Variants in CALD1 observed in about 807,000 individuals in gnomAD.
CALD1 encodes caldesmon.
A neutral mutation model predicts 99.9 loss-of-function variants in CALD1; 33 were observed. That is an observed-to-expected ratio of 0.33 (90% CI 0.25 to 0.44). CALD1 has a LOEUF of 0.44. Among genes scored for constraint, CALD1 ranks in the 20% least tolerant of loss-of-function variants. The pLI, the probability that CALD1 is intolerant of heterozygous loss-of-function variation, is 1.00. For synonymous variants in CALD1, 310 were observed against 325.0 expected, an observed-to-expected ratio of 0.95 and a Z score of 0.50; for missense variants, 861 against 962.1, an observed-to-expected ratio of 0.89 and a Z score of 1.39.
At chr7:134,728,791 C>G in the CALD1 span, among the ~76,000 whole-genome samples, 1 of 151,736 alleles carries the variant, frequency 6.6e-6, no homozygotes, top group South Asian at 2.1e-4. Context: ...TTCCATGAAG[C>G]TCTGATTAAA....
chr7:134,910,014 A>G (rs896476246), intron 3 of CALD1, among the ~76,000 whole-genome samples: 12 of 152,258 alleles, frequency 7.9e-5, no homozygotes, highest in African/African-American at 2.7e-4. Flanking sequence ...GCACAAGCCC[A>G]TAACACAATG....
chr7:134,867,491 T>G (rs1180064895), intron 2 of CALD1, among the ~76,000 whole-genome samples: 2 of 152,222 alleles, frequency 1.3e-5, no homozygotes, highest in African/African-American at 4.8e-5. Flanking sequence ...GGGATCTTAC[T>G]TATTTGTCTC....
chr7:134,822,593 T>C (rs1354190817), intron 1 of CALD1, among the ~76,000 whole-genome samples: 1 of 152,208 alleles, frequency 6.6e-6, no homozygotes, highest in Non-Finnish European at 1.5e-5. Context: ...TCCTGGAATC[T>C]CAAACATATT....
rs770391558 is a variant in CALD1 at position 134,938,548 on chromosome 7, G to A, written c.1387-2544G>A. Among the ~76,000 whole-genome samples, 4 of 152,146 alleles carry A rather than the reference G, an allele frequency of 2.6e-5. No homozygotes were observed. The East Asian group carries it at 5.8e-4, about 22-fold the overall frequency. ...TATCTATTAATCCTTCAGCACGGAC[G>A]TTCTCCATGGTAACAGTCTGACCTA... On this transcript the variant is annotated intron_variant, in intron 6 of 14. Transcript: ENST00000361675.
chr7:134,892,592 AAACAAGACCC>A, intron 3 of CALD1, among the ~76,000 whole-genome samples: 1 of 152,322 alleles, frequency 6.6e-6, no homozygotes, highest in South Asian at 2.1e-4. Flanking sequence ...AGGGTCCTAA[AAACAAGACCC>A]ATGTCCATTA....
chr7:134,937,728 A>AAC (rs1214738854), intron 6 of CALD1, among the ~76,000 whole-genome samples: 1 of 152,162 alleles, frequency 6.6e-6, no homozygotes, highest in African/African-American at 2.4e-5. Flanking sequence ...ACCACAAGTA[A>AAC]ACACAAACAT....
intron 1 of CALD1, among the ~76,000 whole-genome samples, chr7:134,787,977 T>C (rs981079336): frequency 6.6e-6 from 1 of 152,172 alleles, no homozygotes; most frequent in African/African-American, 2.4e-5. Flanking sequence ...TCCACCTCTG[T>C]ACAATGGCAC....
intron 3 of CALD1, among the ~76,000 whole-genome samples, chr7:134,904,188 A>C (rs1019705951): frequency 6.6e-6 from 1 of 151,968 alleles, no homozygotes; most frequent in Non-Finnish European, 1.5e-5. Flanking sequence ...ATGTCATCGC[A>C]CTCCAGCCTG....
At chr7:134,862,275 T>TATAA (rs1800596258) in intron 2 of CALD1, among the ~76,000 whole-genome samples, 1 of 152,218 alleles carries the variant, frequency 6.6e-6, no homozygotes, top group South Asian at 2.1e-4. Flanking sequence ...AGTGGATTAG[T>TATAA]CCTATTATAG....
At chr7:134,793,501 A>G (rs1368283752) in intron 1 of CALD1, among the ~76,000 whole-genome samples, 2 of 152,014 alleles carry the variant, frequency 1.3e-5, no homozygotes, top group African/African-American at 4.8e-5. Flanking sequence ...TTTTTAAGGT[A>G]TTTTATTTTA....
chr7:134,865,462 G>C (rs548790397), intron 2 of CALD1, among the ~76,000 whole-genome samples: 19 of 152,102 alleles, frequency 1.2e-4, no homozygotes, highest in African/African-American at 4.6e-4. Context: ...GAAAAGCACT[G>C]GTCTGTAGGA....
chr7:134,862,773 A>T (rs922013644), intron 2 of CALD1, among the ~76,000 whole-genome samples: 20 of 152,224 alleles, frequency 1.3e-4, no homozygotes, highest in African/African-American at 4.8e-4. Flanking sequence ...GAACAAATGT[A>T]CCACACTACT....
chr7:134,902,492 C>T (rs1003310460), intron 3 of CALD1, among the ~76,000 whole-genome samples: 3 of 152,028 alleles, frequency 2.0e-5, no homozygotes, highest in Non-Finnish European at 2.9e-5. Context: ...ATCATGTAAA[C>T]CACCCCCTAC....
chr7:134,879,997 A>C (rs576385969), intron 3 of CALD1, among the ~76,000 whole-genome samples: 1 of 152,282 alleles, frequency 6.6e-6, no homozygotes, highest in African/African-American at 2.4e-5. Flanking sequence ...TTTAAACCCC[A>C]CATTGTTTAG....
Position 134,887,240 on chromosome 7 carries a change from C to T in CALD1, c.71+19436C>T, listed in dbSNP as rs144398837. Among the ~76,000 whole-genome samples, 498 of 152,284 alleles carry T rather than the reference C, an allele frequency of 3.3e-3. 8 individuals are homozygous for T. The highest frequency in any genetic ancestry group is 0.011 in the African/African-American group (473 of 41,544). ...CAGAGCAATATAGTTTAAGTGAACACGTTCAACGCCATGGCAGGGGCAGGG... is the reference window on the plus strand; with the variant it reads ...CAGAGCAATATAGTTTAAGTGAACATGTTCAACGCCATGGCAGGGGCAGGG... On this transcript the variant is annotated intron_variant, in intron 3 of 14. Transcript: ENST00000361675.
At chr7:134,826,929 G>A (rs1799023512) in intron 1 of CALD1, among the ~76,000 whole-genome samples, 1 of 152,138 alleles carries the variant, frequency 6.6e-6, no homozygotes, top group Non-Finnish European at 1.5e-5. Context: ...CAAAGCTGCT[G>A]CATTTAACAG....
At chr7:134,780,095 T>C (rs777468245) in intron 1 of CALD1, among the ~76,000 whole-genome samples, 3 of 152,252 alleles carry the variant, frequency 2.0e-5, no homozygotes, top group Non-Finnish European at 2.9e-5. Context: ...GCAAGCCTAC[T>C]GCACCAGACT....
intron 3 of CALD1, among the ~76,000 whole-genome samples, chr7:134,880,868 G>A (rs1801567308): frequency 2.6e-5 from 4 of 152,146 alleles, no homozygotes; most frequent in Admixed American, 2.6e-4. Flanking sequence ...GCTACCTAGG[G>A]ATTATCATTG....
the CALD1 span, among the ~76,000 whole-genome samples, chr7:134,711,704 G>A: frequency 6.6e-5 from 9 of 135,350 alleles, no homozygotes; most frequent in Admixed American, 7.4e-5. Flanking sequence ...GTGTGTGTGT[G>A]TGTGTGTGTG....
Sources: allele counts gnomAD v4.1 joint callset (sites outside exome capture counted in the v4.1 genomes callset), GRCh38; gene constraint gnomAD v4.1.1; transcripts MANE v1.5; gene names NCBI Gene and HGNC (gene_info 2026-07-23, HGNC 2026-07-21).